Variants in STIP1 observed in about 807,000 individuals in gnomAD.
The protein encoded by STIP1 is stress-induced-phosphoprotein 1.
Under a neutral mutation model 77.4 loss-of-function variants are expected in STIP1, and 16 were observed. That is an observed-to-expected ratio of 0.21 (90% confidence interval 0.14 to 0.31). STIP1 has a LOEUF of 0.31. Among genes scored for constraint, STIP1 ranks in the 10% least tolerant of loss-of-function variants. The pLI, the probability that STIP1 is intolerant of heterozygous loss-of-function variation, is 1.00. For missense variants in STIP1, 524 were observed against 684.8 expected, an observed-to-expected ratio of 0.77 and a Z score of 2.62; for synonymous variants, 258 against 246.6, an observed-to-expected ratio of 1.05 and a Z score of -0.44.
upstream of STIP1, chr11:64,186,142 G>A (rs1173170951): frequency 6.4e-7 from 1 of 1,550,742 alleles, no homozygotes; most frequent in African/African-American, 1.4e-5. Flanking sequence ...GTGAGCAGGC[G>A]AGGAAGGGGC....
chr11:64,204,356 A>T lies in STIP1; in HGVS notation c.*230A>T, dbSNP rs1946260142. The T allele has an allele frequency of 7.9e-6, 4 of 504,446 alleles. No individual in the cohort carries two copies. The South Asian group carries it at 1.3e-4, about 16-fold the overall frequency. The allele number at this position is 504,446 out of a possible 1,614,324, so 31.2% of individuals were successfully genotyped here. On this transcript the variant is annotated 3_prime_UTR_variant, in exon 14 of 14. Coordinates refer to ENST00000305218, the MANE Select transcript of STIP1 (RefSeq NM_006819.3). ...CTCTTCACCGCTGCCCTCGAGTTCC[A>T]TGTCTCTTTCCCCTGCCCCTAGTTG...
upstream of STIP1, chr11:64,185,339 G>A (rs142982445): frequency 9.1e-4 from 157 of 172,526 alleles, no homozygotes; most frequent in African/African-American, 3.6e-3. Flanking sequence ...TTCCACTGAG[G>A]ACGCCCAAGC....
In STIP1 at chr11:64,204,313, T is replaced by C. The variant is rs539152128; in HGVS notation, c.*187T>C. 8.4e-5 allele frequency: 51 copies of C among 605,688 alleles called. No individual in the cohort carries two copies. In the South Asian group the frequency reaches 8.9e-4, roughly 11 times the overall value. The allele number at this position is 605,688 out of a possible 1,614,324, so 37.5% of individuals were successfully genotyped here. A position where few individuals can be genotyped will look rare whatever the true frequency, so the allele number is the denominator to read the frequency against. On this transcript the variant is annotated 3_prime_UTR_variant, in exon 14 of 14. Transcript: ENST00000305218. ...TTGTGCCGCCGCTGCCTCTGGGCCC[T>C]CCCAGCACACGCATGGTCTCTTCAC...
In STIP1 at chr11:64,204,221, G is replaced by C; in HGVS notation, c.*95G>C. The C allele has an allele frequency of 7.9e-7, 1 of 1,261,660 alleles. No individual in the cohort carries two copies. Among genetic ancestry groups the C allele is most frequent in the Non-Finnish European group, 1.1e-6 (1 of 879,796 alleles). 78.2% of individuals were successfully genotyped at this position (1,261,660 alleles called of 1,614,324 possible). ...GGAGCGGAAGGGAGAGCAGGGGAGA[G>C]AAGGCCTCATCTCTCTATATTTATA... On this transcript the variant is annotated 3_prime_UTR_variant, in exon 14 of 14. Transcript: ENST00000305218.
At chr11:64,192,484 A>G (rs774041428) in intron 1 of STIP1, among the ~76,000 whole-genome samples, 1 of 152,246 alleles carries the variant, frequency 6.6e-6, no homozygotes, top group Non-Finnish European at 1.5e-5. Flanking sequence ...ACTGTTACCC[A>G]TTAATGAACA....
chr11:64,191,047 T>C (rs961601292), intron 1 of STIP1, among the ~76,000 whole-genome samples: 3 of 151,600 alleles, frequency 2.0e-5, no homozygotes, highest in Non-Finnish European at 4.4e-5. Flanking sequence ...ATTAGACGGA[T>C]GTGGTAGTGC....
At chr11:64,190,486 TG>T (rs1234381626) in intron 1 of STIP1, among the ~76,000 whole-genome samples, 1 of 152,136 alleles carries the variant, frequency 6.6e-6, no homozygotes, top group Non-Finnish European at 1.5e-5. Context: ...AGCTAATTTT[TG>T]TATTTGTAGT....
intron 7 of STIP1, 95 bp downstream of exon 7, chr11:64,197,690 A>G (rs999591773): frequency 6.4e-7 from 1 of 1,564,076 alleles, no homozygotes; most frequent in East Asian, 2.2e-5. Context: ...TGCTGGCCAT[A>G]GAATCTGCTG....
chr11:64,204,036 C>T lies in STIP1; in HGVS notation c.1560-18C>T. On this transcript the variant is annotated intron_variant, in intron 13 of 13. Transcript: ENST00000305218. ...TTAAAGGTTGTCTCATTTCAAGTAA[C>T]TGCGTCTTCCTCTGTAGACACTTAA... The T allele has an allele frequency of 1.2e-6, 2 of 1,613,752 alleles. No homozygotes were observed. Among genetic ancestry groups the T allele is most frequent in the South Asian group, 2.2e-5 (2 of 91,078 alleles).
intron 7 of STIP1, 43 bp from the exon 8 acceptor site, chr11:64,197,811 A>C (rs1389408716): frequency 3.1e-6 from 5 of 1,595,512 alleles, no homozygotes; most frequent in East Asian, 2.2e-5. Context: ...AGCTGACTTT[A>C]TCTCTCTGTC....
intron 12 of STIP1, 51 bp from the exon 13 acceptor site, chr11:64,203,399 G>C: frequency 6.2e-7 from 1 of 1,608,740 alleles, no homozygotes; most frequent in South Asian, 1.1e-5. Context: ...TGCTGAAGCA[G>C]TGAGCTGGGT....
chr11:64,197,561 A>G lies in STIP1; in HGVS notation c.868A>G (p.Arg290Gly). ...TTGTGAGAAGGCCATTGAAGTGGGGAGAGAAAACCGAGAAGACTATCGACA... is the reference window on the plus strand; with the variant it reads ...TTGTGAGAAGGCCATTGAAGTGGGGGGAGAAAACCGAGAAGACTATCGACA... ...ELCEKAIEVG[R>G]ENREDYRQIA... Residue 290 changes from arginine (R) to glycine (G), a missense_variant, in exon 7 of 14, where the codon AGA becomes GGA. Physicochemically the swap from Arg to Gly is moderately radical, Grantham distance 125 (BLOSUM62 -2). Transcript: ENST00000305218. The G allele has an allele frequency of 6.2e-7, 1 of 1,614,184 alleles. No homozygotes were observed. Among genetic ancestry groups the G allele is most frequent in the Non-Finnish European group, 8.5e-7 (1 of 1,180,026 alleles).
intron 10 of STIP1, among the ~76,000 whole-genome samples, chr11:64,200,682 G>A (rs573847525): frequency 6.6e-6 from 1 of 151,844 alleles, no homozygotes; most frequent in Admixed American, 6.6e-5. Context: ...AGTCACTACT[G>A]GTTGGCAGTA....
chr11:64,186,344 C>CGGGGCGGGGGTGGGGGGGG, intron 1 of STIP1, 74 bp downstream of exon 1: 1 of 53,576 alleles, frequency 1.9e-5, no homozygotes, highest in South Asian at 1.8e-4. Flanking sequence ...GGTAGGGGGG[C>CGGGGCGGGGGTGGGGGGGG]GGGGCGGGCG....
chr11:64,200,150 CTT>C lies in STIP1; in HGVS notation c.1121-17_1121-16del. ...GGCTTTTTGCTTTTTAAAAGACAGT[CTT>C]TGTTTTTCTTCCCCAGGGGACTATC... On this transcript the variant is annotated splice_polypyrimidine_tract_variant and intron_variant, in intron 9 of 13. Transcript: ENST00000305218. The C allele has an allele frequency of 2.5e-6, 4 of 1,609,758 alleles. No homozygotes were observed. The highest frequency in any genetic ancestry group is 2.5e-6 in the Non-Finnish European group (3 of 1,177,894).
intron 1 of STIP1, among the ~76,000 whole-genome samples, chr11:64,187,544 C>T (rs927096316): frequency 6.6e-6 from 1 of 152,176 alleles, no homozygotes; most frequent in Non-Finnish European, 1.5e-5. Context: ...GCAGTTGCTG[C>T]TTTAGGCAAA....
chr11:64,203,331 C>CT, intron 12 of STIP1, 103 bp downstream of exon 12: 1 of 1,574,402 alleles, frequency 6.4e-7, no homozygotes, highest in South Asian at 1.1e-5. Flanking sequence ...CCATTTCTCT[C>CT]TGTTTCTCTC....
Position 64,194,624 on chromosome 11 carries a change from A to G in STIP1, c.503+4A>G. 2 of 1,612,156 alleles carry G rather than the reference A, an allele frequency of 1.2e-6. No individual in the cohort carries two copies. The highest frequency in any genetic ancestry group is 1.7e-6 in the Non-Finnish European group (2 of 1,178,754). On this transcript the variant is annotated splice_donor_region_variant and intron_variant, in intron 4 of 13. Transcript: ENST00000305218. ...ACAAGCCTTCTGACCTGGGCACGTA[A>G]GTGGACGCCGCTCACTGAGGTTCTG...
chr11:64,204,031 A>ACCT, intron 13 of STIP1, 23 bp from the exon 14 acceptor site: 1 of 1,613,572 alleles, frequency 6.2e-7, no homozygotes, highest in Non-Finnish European at 8.5e-7. Flanking sequence ...TCTCATTTCA[A>ACCT]GTAACTGCGT....
Sources: gnomAD v4.1 joint callset for allele counts (sites outside exome capture counted in the v4.1 genomes callset) on GRCh38, gnomAD v4.1.1 for gene constraint, MANE v1.5 for transcripts, NCBI Gene and HGNC (gene_info 2026-07-23, HGNC 2026-07-21) for gene names.